Variants in PDE1A observed in about 807,000 individuals in gnomAD.
The protein encoded by PDE1A is phosphodiesterase 1A, also known as dual specificity calcium/calmodulin-dependent 3',5'-cyclic nucleotide phosphodiesterase 1A.
Under a neutral mutation model 61.7 loss-of-function variants are expected in PDE1A, and 35 were observed. That is an observed-to-expected ratio of 0.57 (90% CI 0.43 to 0.75). The LOEUF is 0.75. Ranked by LOEUF, PDE1A falls within the 30% of genes least tolerant of loss-of-function variation. The pLI is 0.00. For missense variants in PDE1A, 597 were observed against 630.6 expected (o/e 0.95, Z 0.57); for synonymous variants, 232 against 213.2 (o/e 1.09, Z -0.77).
At chr2:182,425,827 C>A (rs1481489716) in intron 1 of PDE1A, among the ~76,000 whole-genome samples, 2 of 152,116 alleles carry the variant, frequency 1.3e-5, no homozygotes, top group Non-Finnish European at 2.9e-5. Flanking sequence ...TCTTAAAAAT[C>A]TTCTGTTTTG....
At chr2:182,164,699 T>C (rs1202511613), downstream of PDE1A, among the ~76,000 whole-genome samples, 1 of 152,018 alleles carries the variant, frequency 6.6e-6, no homozygotes, top group Non-Finnish European at 1.5e-5. Context: ...TGCCTCGCCA[T>C]AGACTGAGCA....
At chr2:182,436,502 G>A (rs1016509134) in intron 2 of PDE1A, among the ~76,000 whole-genome samples, 6 of 151,814 alleles carry the variant, frequency 4.0e-5, no homozygotes, top group Admixed American at 2.0e-4. Context: ...AGAGAATACT[G>A]GAAATCAAGT....
At position 182,260,903 on chromosome 2, in the gene PDE1A, C is replaced by T. The variant is rs75555154; in HGVS notation, c.167+3398G>A. On this transcript the variant is annotated intron_variant, in intron 2 of 13. Transcript: ENST00000351439. ...AGCCCTAGGGTCAGACTGCCAAGGCCCTAATCCAACTCTTCAACTCCCTGT... is the reference window on the plus strand; with the variant it reads ...AGCCCTAGGGTCAGACTGCCAAGGCTCTAATCCAACTCTTCAACTCCCTGT... 3.4e-3 allele frequency among the ~76,000 whole-genome samples: 525 copies of T among 152,198 alleles called. 8 individuals are homozygous for T. The East Asian group carries it at 0.043, about 13-fold the overall frequency.
chr2:182,467,900 T>C (rs1686776328), intron 2 of PDE1A, among the ~76,000 whole-genome samples: 1 of 152,020 alleles, frequency 6.6e-6, no homozygotes, highest in East Asian at 1.9e-4. Context: ...TTTTGCACTA[T>C]GTATAAAAGT....
At chr2:182,369,826 G>C (rs538622513) in intron 1 of PDE1A, among the ~76,000 whole-genome samples, 1 of 152,180 alleles carries the variant, frequency 6.6e-6, no homozygotes, top group African/African-American at 2.4e-5. Flanking sequence ...CAAATGGAAG[G>C]TTAGAGATAA....
intron 2 of PDE1A, among the ~76,000 whole-genome samples, chr2:182,247,631 C>G (rs575041877): frequency 6.6e-6 from 1 of 152,246 alleles, no homozygotes; most frequent in African/African-American, 2.4e-5. Flanking sequence ...CATCTGACCA[C>G]GCTAGACAGT....
At chr2:182,305,086 A>C (rs1197027352) in intron 1 of PDE1A, among the ~76,000 whole-genome samples, 2 of 152,170 alleles carry the variant, frequency 1.3e-5, no homozygotes, top group South Asian at 4.1e-4. Context: ...AAGAAAACAC[A>C]TGAATTAATA....
chr2:182,616,637 C>A, the PDE1A span, among the ~76,000 whole-genome samples: 1 of 152,192 alleles, frequency 6.6e-6, no homozygotes, highest in African/African-American at 2.4e-5. Context: ...CTTAGTCAGA[C>A]TCCCCAGGAG....
At chr2:182,246,428 G>A (rs10202082) in intron 2 of PDE1A, among the ~76,000 whole-genome samples, 94,391 of 129,028 alleles carry the variant, frequency 0.73, 34,458 homozygotes, top group African/African-American at 0.83. Flanking sequence ...TTTTTTGACA[G>A]AGTCTTGCTC....
chr2:182,268,424 T>C (rs973327172), intron 1 of PDE1A, among the ~76,000 whole-genome samples: 1 of 152,070 alleles, frequency 6.6e-6, no homozygotes, highest in African/African-American at 2.4e-5. Flanking sequence ...TTAGTTTATA[T>C]ATACAAGGAT....
chr2:182,397,320 G>C (rs1701762769), intron 1 of PDE1A, among the ~76,000 whole-genome samples: 1 of 152,024 alleles, frequency 6.6e-6, no homozygotes, highest in Non-Finnish European at 1.5e-5. Flanking sequence ...GTCGAAAACA[G>C]TTCAATATTG....
At chr2:182,511,551 C>T (rs1402322974) in intron 2 of PDE1A, among the ~76,000 whole-genome samples, 1 of 152,180 alleles carries the variant, frequency 6.6e-6, no homozygotes, top group Non-Finnish European at 1.5e-5. Flanking sequence ...GGACTTAAGC[C>T]TGCACAGAGC....
At position 182,152,680 on chromosome 2, in the gene PDE1A, C is replaced by A. The variant is rs566218001; in HGVS notation, c.1517-5528G>T. On this transcript the variant is annotated intron_variant, in intron 13 of 13. Transcript: ENST00000409365. Reference sequence around the variant, plus strand: ...AGGTGATCCACCCGCCTCAGCCTCCCAAAGTGCTGGGATTACAGGTGTGAG... The same window carrying A: ...AGGTGATCCACCCGCCTCAGCCTCCAAAAGTGCTGGGATTACAGGTGTGAG... 6.4e-4 allele frequency among the ~76,000 whole-genome samples: 97 copies of A among 152,224 alleles called. 1 individual carries two copies. The highest frequency in any genetic ancestry group is 2.2e-3 in the African/African-American group (91 of 41,530).
intron 1 of PDE1A, among the ~76,000 whole-genome samples, chr2:182,287,741 T>G (rs1694261804): frequency 6.6e-6 from 1 of 152,158 alleles, no homozygotes; most frequent in South Asian, 2.1e-4. Flanking sequence ...AAAGAACTGC[T>G]TAGCTGACCA....
chr2:182,352,803 T>C (rs998246554), intron 1 of PDE1A, among the ~76,000 whole-genome samples: 3 of 152,014 alleles, frequency 2.0e-5, no homozygotes, highest in Admixed American at 6.6e-5. Context: ...AACACAACTG[T>C]TGCATTCAAT....
chr2:182,621,999 C>A, the PDE1A span, among the ~76,000 whole-genome samples: 11 of 152,252 alleles, frequency 7.2e-5, no homozygotes, highest in African/African-American at 1.4e-4. Flanking sequence ...TTAATGGCTT[C>A]ATTTGTAAAC....
chr2:182,514,937 T>G (rs1302657478), intron 2 of PDE1A, among the ~76,000 whole-genome samples: 2 of 152,234 alleles, frequency 1.3e-5, no homozygotes, highest in African/African-American at 4.8e-5. Context: ...TTCACAGGAA[T>G]TCTGGTTTAT....
chr2:182,303,276 TC>T (rs1695362215), intron 1 of PDE1A, among the ~76,000 whole-genome samples: 1 of 152,154 alleles, frequency 6.6e-6, no homozygotes, highest in Non-Finnish European at 1.5e-5. Context: ...GACTTGAAAG[TC>T]AAAATTACTC....
At chr2:182,169,899 C>T (rs142711697) in intron 13 of PDE1A, among the ~76,000 whole-genome samples, 2,095 of 116,228 alleles carry the variant, frequency 0.018, 47 homozygotes, top group African/African-American at 0.073. Flanking sequence ...GAGACACACA[C>T]ACACACACAC....
Sources: allele counts gnomAD v4.1 joint callset (sites outside exome capture counted in the v4.1 genomes callset), GRCh38; gene constraint gnomAD v4.1.1; transcripts MANE v1.5; gene names NCBI Gene and HGNC (gene_info 2026-07-23, HGNC 2026-07-21).